PKIA: variants seen among roughly 807,000 people sequenced by gnomAD.
The protein encoded by PKIA is PKI-alpha.
Under a neutral mutation model 7.6 loss-of-function variants are expected in PKIA, and 4 were observed. The observed-to-expected ratio is 0.52, with a 90% confidence interval of 0.26 to 1.20. The LOEUF (loss-of-function observed/expected upper bound fraction) is 1.20, where lower values mean the gene tolerates loss of function less well. PKIA is among the 50% of genes most tolerant of loss of function. The pLI is 0.13. For synonymous variants in PKIA, 21 were observed against 30.7 expected, an observed-to-expected ratio of 0.68 and a Z score of 1.04; for missense variants, 73 against 86.2, an observed-to-expected ratio of 0.85 and a Z score of 0.61.
At chr8:78,560,513 G>T (rs1001814505) in intron 1 of PKIA, among the ~76,000 whole-genome samples, 1 of 152,130 alleles carries the variant, frequency 6.6e-6, no homozygotes, top group African/African-American at 2.4e-5. Flanking sequence ...CTTGAGTAAT[G>T]ATTTACCTTA....
At chr8:78,529,890 G>A (rs1031999698) in intron 1 of PKIA, among the ~76,000 whole-genome samples, 1 of 151,332 alleles carries the variant, frequency 6.6e-6, no homozygotes, top group Non-Finnish European at 1.5e-5. Context: ...GTGAGATCAC[G>A]TTATTTCCAA....
chr8:78,524,212 AT>A (rs1563565846), intron 1 of PKIA, among the ~76,000 whole-genome samples: 5 of 139,344 alleles, frequency 3.6e-5, no homozygotes, highest in South Asian at 4.2e-4. Flanking sequence ...TTATATATAT[AT>A]AAACATTTAT....
intron 1 of PKIA, among the ~76,000 whole-genome samples, chr8:78,537,396 G>A (rs1806556746): frequency 6.6e-6 from 1 of 151,906 alleles, no homozygotes; most frequent in Non-Finnish European, 1.5e-5. Flanking sequence ...TGTCTGAAGG[G>A]TAGACATTTC....
chr8:78,562,250 AT>A lies in PKIA; in HGVS notation c.-156-10560del, dbSNP rs372943398. On this transcript the variant is annotated intron_variant, in intron 1 of 3. Transcript: ENST00000396418. ...TATTAATATAGTCTAGTTGGGACTA[AT>A]GGTAATCATCAGTGAACTAGTCATT... Among the ~76,000 whole-genome samples, 147 of 152,286 alleles carry A rather than the reference AT, an allele frequency of 9.7e-4. 2 individuals carry two copies. The highest frequency in any genetic ancestry group is 3.3e-3 in the African/African-American group (138 of 41,576).
intron 1 of PKIA, among the ~76,000 whole-genome samples, chr8:78,522,822 GTT>G (rs1182099139): frequency 6.6e-6 from 1 of 151,694 alleles, no homozygotes; most frequent in Non-Finnish European, 1.5e-5. Context: ...AATTTGGTCT[GTT>G]TGTTCAGATT....
chr8:78,578,359 C>G (rs1807725518), intron 2 of PKIA, among the ~76,000 whole-genome samples: 1 of 151,940 alleles, frequency 6.6e-6, no homozygotes, highest in African/African-American at 2.4e-5. Context: ...AATCATTCAT[C>G]TTCACTTACG....
rs187075844 is a variant in PKIA at position 78,517,808 on chromosome 8, C to A, written c.-157+1340C>A. 1.1e-3 allele frequency among the ~76,000 whole-genome samples: 167 copies of A among 152,216 alleles called. 4 individuals are homozygous for A. The South Asian group carries it at 0.018, about 16-fold the overall frequency. Reference sequence around the variant, plus strand: ...GGCTGTTATGGGGATTGCAAACGTGCCACTTCACCAACAGAGAACAGTTGC... The same window carrying A: ...GGCTGTTATGGGGATTGCAAACGTGACACTTCACCAACAGAGAACAGTTGC... On this transcript the variant is annotated intron_variant, in intron 1 of 3. Transcript: ENST00000396418.
intron 1 of PKIA, among the ~76,000 whole-genome samples, chr8:78,529,475 C>G (rs1806339317): frequency 6.6e-6 from 1 of 151,952 alleles, no homozygotes. Flanking sequence ...TCTAGAGTTT[C>G]TATGTCAGTT....
rs544192105 is a variant in PKIA at position 78,593,209 on chromosome 8, G to A, written c.-27-5149G>A. On this transcript the variant is annotated intron_variant, in intron 2 of 3. Coordinates refer to ENST00000396418, the MANE Select transcript of PKIA (RefSeq NM_006823.4). ...CCAATCTTGGCTCACTGCAACCTCC[G>A]CCACCCGGGTTCAAGCGATTCTCCT... Among the ~76,000 whole-genome samples, 6 of 152,164 alleles carry A rather than the reference G, an allele frequency of 3.9e-5. No individual in the cohort carries two copies. In the East Asian group the frequency reaches 7.7e-4, roughly 20 times the overall value.
intron 1 of PKIA, among the ~76,000 whole-genome samples, chr8:78,539,739 G>C (rs1426406857): frequency 6.6e-6 from 1 of 151,494 alleles, no homozygotes; most frequent in Admixed American, 6.6e-5. Context: ...AAATTTAAAG[G>C]GTAAAATTAA....
intron 1 of PKIA, among the ~76,000 whole-genome samples, chr8:78,533,661 G>A (rs1031763997): frequency 4.6e-5 from 7 of 151,960 alleles, no homozygotes; most frequent in Non-Finnish European, 4.4e-5. Flanking sequence ...TTCGAGACCA[G>A]CCAGGGCAAC....
At chr8:78,547,712 A>G (rs909731386) in intron 1 of PKIA, among the ~76,000 whole-genome samples, 2 of 152,140 alleles carry the variant, frequency 1.3e-5, no homozygotes, top group Non-Finnish European at 2.9e-5. Context: ...TGTTTGCACT[A>G]ATTTGATTTA....
chr8:78,532,585 A>G (rs1167521868), intron 1 of PKIA, among the ~76,000 whole-genome samples: 3 of 151,656 alleles, frequency 2.0e-5, no homozygotes, highest in Non-Finnish European at 2.9e-5. Context: ...ATATTTTACT[A>G]TTGCATCGGG....
chr8:78,574,611 TCTAAA>T (rs949353244), intron 2 of PKIA, among the ~76,000 whole-genome samples: 4 of 151,972 alleles, frequency 2.6e-5, no homozygotes, highest in Admixed American at 2.0e-4. Flanking sequence ...GAACTAGTGA[TCTAAA>T]ATAGCACACT....
chr8:78,592,691 T>C (rs889913920), intron 2 of PKIA, among the ~76,000 whole-genome samples: 63 of 152,318 alleles, frequency 4.1e-4, no homozygotes, highest in African/African-American at 1.5e-3. Flanking sequence ...CTTACCCTCA[T>C]ATAAGTAGAA....
chr8:78,580,137 T>A (rs1172670674), intron 2 of PKIA, among the ~76,000 whole-genome samples: 2 of 152,078 alleles, frequency 1.3e-5, no homozygotes, highest in Admixed American at 1.3e-4. Flanking sequence ...TATAATTTTT[T>A]AAGTTGCGAA....
At chr8:78,536,855 AACATACACACAC>A (rs1318923932) in intron 1 of PKIA, among the ~76,000 whole-genome samples, 6 of 121,052 alleles carry the variant, frequency 5.0e-5, no homozygotes, top group African/African-American at 1.9e-4. Flanking sequence ...GTAGCTAGAA[AACATACACACAC>A]ACACACACAC....
At chr8:78,564,981 G>A (rs1365504169) in intron 1 of PKIA, among the ~76,000 whole-genome samples, 2 of 151,778 alleles carry the variant, frequency 1.3e-5, no homozygotes, top group Non-Finnish European at 3.0e-5. Context: ...AATATTTTTA[G>A]TATGGTTCTT....
chr8:78,594,346 G>A (rs1348811623), intron 2 of PKIA, among the ~76,000 whole-genome samples: 9 of 150,602 alleles, frequency 6.0e-5, no homozygotes, highest in Non-Finnish European at 1.2e-4. Flanking sequence ...CCATGTATGA[G>A]AGCAAGTGGT....
Sources: gnomAD v4.1 joint callset for allele counts (sites outside exome capture counted in the v4.1 genomes callset) on GRCh38, gnomAD v4.1.1 for gene constraint, MANE v1.5 for transcripts, NCBI Gene and HGNC (gene_info 2026-07-23, HGNC 2026-07-21) for gene names.